Variants in WDR17 observed in about 807,000 individuals in gnomAD.
WDR17 encodes WD repeat domain 17.
In WDR17, 143 loss-of-function variants were observed where a neutral mutation model predicts 161.7. That is an observed-to-expected ratio of 0.88 (90% CI 0.77 to 1.02). The LOEUF is 1.02. Among genes scored for constraint, WDR17 ranks in the 50% least tolerant of loss-of-function variants. The probability of loss-of-function intolerance (pLI) is 0.00; values close to 1 mark genes in which losing one functional copy is unlikely to be tolerated. For missense variants in WDR17, 1,469 were observed against 1,520.9 expected (o/e 0.97, Z 0.57); for synonymous variants, 517 against 515.6 (o/e 1.00, Z -0.04).
At chr4:176,141,832 T>G in intron 10 of WDR17, 151 bp from the exon 11 acceptor site, 1 of 581,666 alleles carries the variant, frequency 1.7e-6, no homozygotes, top group Non-Finnish European at 3.0e-6. Flanking sequence ...TTGGTAACAT[T>G]TATACAGTAC....
chr4:176,172,477 C>T lies in WDR17; in HGVS notation c.3205C>T (p.Pro1069Ser), dbSNP rs1750872371. Residue 1069 changes from proline (P) to serine (S), a missense_variant, in exon 24 of 29, where the codon CCT becomes TCT. Pro to Ser is a moderately conservative substitution (Grantham distance 74). Coordinates refer to ENST00000508596, the MANE Select transcript of WDR17 (RefSeq NM_181265.4). ...AAAATATTACTTGTTAAGTCAAGAA[C>T]CTGAAAAAGCCCTTCCTATTGGTAT... ...TVKYYLLSQEPEKALPIGISF... is the reference protein window; with the variant it reads ...TVKYYLLSQESEKALPIGISF... The T allele has an allele frequency of 3.7e-6, 6 of 1,606,622 alleles. No homozygotes were observed. In the Middle Eastern group the frequency reaches 8.3e-4, roughly 222 times the overall value.
chr4:176,109,982 T>C (rs918963603), intron 1 of WDR17, among the ~76,000 whole-genome samples: 4 of 152,194 alleles, frequency 2.6e-5, no homozygotes, highest in African/African-American at 9.7e-5. Context: ...CAAGCTAAAA[T>C]ATTTAAGATT....
At chr4:176,141,466 A>G (rs1745244567) in intron 10 of WDR17, among the ~76,000 whole-genome samples, 1 of 152,166 alleles carries the variant, frequency 6.6e-6, no homozygotes, top group Admixed American at 6.5e-5. Flanking sequence ...TTGTTTTTCC[A>G]TCGCTCAGGC....
intron 4 of WDR17, among the ~76,000 whole-genome samples, chr4:176,123,028 G>A (rs1199594322): frequency 6.6e-6 from 1 of 152,020 alleles, no homozygotes; most frequent in African/African-American, 2.4e-5. Flanking sequence ...GAAGATTCCA[G>A]GGCAAAAAAA....
At chr4:176,097,900 C>T (rs1266176467) in intron 1 of WDR17, among the ~76,000 whole-genome samples, 1 of 151,950 alleles carries the variant, frequency 6.6e-6, no homozygotes, top group African/African-American at 2.4e-5. Flanking sequence ...AATTCAAAAT[C>T]TTCCTCTTCT....
intron 24 of WDR17, among the ~76,000 whole-genome samples, chr4:176,173,040 C>T (rs1750965803): frequency 6.6e-6 from 1 of 152,106 alleles, no homozygotes; most frequent in African/African-American, 2.4e-5. Flanking sequence ...AAGAACTAGT[C>T]ATCCTAAATT....
intron 1 of WDR17, among the ~76,000 whole-genome samples, chr4:176,083,815 T>TA (rs1489665772): frequency 1.3e-5 from 2 of 152,138 alleles, no homozygotes; most frequent in African/African-American, 4.8e-5. Flanking sequence ...GAGTTTCAGT[T>TA]ACTCTGCACT....
Position 176,137,594 on chromosome 4 carries a change from A to G in WDR17, c.1342A>G (p.Ile448Val), listed in dbSNP as rs1196362510. 4.4e-6 allele frequency: 7 copies of G among 1,594,152 alleles called. No homozygotes were observed. The highest frequency in any genetic ancestry group is 4.3e-6 in the Non-Finnish European group (5 of 1,167,580). ...FIWNVQKGKI[I>V]QRFNEHGTNG... ...TTGGAATGTTCAAAAGGGCAAAATT[A>G]TACAACGATTTAATGAGGTAAGATT... The change falls in exon 9 of 29, where the codon ATA (isoleucine) becomes GTA (valine). Residue 448 changes from isoleucine (I) to valine (V), a missense_variant. Ile to Val is a conservative substitution (Grantham distance 29). Transcript: ENST00000508596.
intron 2 of WDR17, among the ~76,000 whole-genome samples, chr4:176,114,667 T>C (rs1019606410): frequency 2.0e-5 from 3 of 151,562 alleles, no homozygotes; most frequent in African/African-American, 4.8e-5. Flanking sequence ...AGTAAACAAA[T>C]AGGTAAAATT....
chr4:176,085,221 A>T (rs1735276786), intron 1 of WDR17, among the ~76,000 whole-genome samples: 1 of 152,114 alleles, frequency 6.6e-6, no homozygotes, highest in South Asian at 2.1e-4. Flanking sequence ...ATTTAATCTA[A>T]TTCATTAACT....
At chr4:176,144,313 A>C (rs549227617) in intron 11 of WDR17, among the ~76,000 whole-genome samples, 6 of 152,232 alleles carry the variant, frequency 3.9e-5, no homozygotes, top group Non-Finnish European at 5.9e-5. Flanking sequence ...GGCTGGTTGC[A>C]TATTGGCTGT....
rs765690042 is a variant in WDR17 at position 176,162,135 on chromosome 4, A to G, written c.2811A>G (p.Val937=). 10 of 1,613,314 alleles carry G rather than the reference A, an allele frequency of 6.2e-6. No individual in the cohort carries two copies. The highest frequency in any genetic ancestry group is 1.1e-5 in the South Asian group (1 of 91,008). ...GGTATTTTCAAGATGGTCGAGCAGTACTAGCCGCATGTTGCCATCTTGCCA... is the reference window on the plus strand; with the variant it reads ...GGTATTTTCAAGATGGTCGAGCAGTGCTAGCCGCATGTTGCCATCTTGCCA... The part of the protein sequence containing the change: ...AEWYFQDGRA[V]LAACCHLAID... Residue 937 remains valine (V), a synonymous_variant, in exon 21 of 29, where the codon GTA becomes GTG. Transcript: ENST00000508596.
intron 18 of WDR17, among the ~76,000 whole-genome samples, chr4:176,156,363 G>A (rs1748123954): frequency 6.6e-6 from 1 of 152,094 alleles, no homozygotes; most frequent in Admixed American, 6.5e-5. Flanking sequence ...GATAGCAGAA[G>A]GCAAATTTCC....
At chr4:176,172,246 T>A (rs1750837771) in intron 23 of WDR17, 129 bp from the exon 24 acceptor site, 5 of 773,994 alleles carry the variant, frequency 6.5e-6, no homozygotes, top group Non-Finnish European at 1.0e-5. Context: ...AATAATTTCA[T>A]TTACATCTAT....
At chr4:176,144,117 C>G (rs370057354) in intron 11 of WDR17, among the ~76,000 whole-genome samples, 2 of 151,274 alleles carry the variant, frequency 1.3e-5, no homozygotes, top group East Asian at 3.9e-4. Context: ...GCCCCCTTAC[C>G]TAGGATTCTG....
chr4:176,132,651 A>G (rs1481332425), intron 7 of WDR17, among the ~76,000 whole-genome samples: 1 of 151,978 alleles, frequency 6.6e-6, no homozygotes, highest in Non-Finnish European at 1.5e-5. Flanking sequence ...AATAATCTGT[A>G]GCTTAATTAT....
chr4:176,151,646 G>C (rs527561910), intron 16 of WDR17, among the ~76,000 whole-genome samples, 166 bp from the exon 17 acceptor site: 3 of 152,238 alleles, frequency 2.0e-5, no homozygotes, highest in African/African-American at 7.2e-5. Flanking sequence ...GATGAAATCA[G>C]GGTAATTGGG....
intron 1 of WDR17, among the ~76,000 whole-genome samples, chr4:176,081,966 G>T (rs975179252): frequency 6.6e-6 from 1 of 152,110 alleles, no homozygotes. Context: ...CAGGGAAGGA[G>T]ACAAGTGAGA....
chr4:176,161,072 C>G (rs1320618503), intron 20 of WDR17, 70 bp downstream of exon 20: 16 of 1,303,796 alleles, frequency 1.2e-5, no homozygotes, highest in Admixed American at 4.3e-5. Context: ...TTTGAAGTCT[C>G]TATAATTCAT....
Sources: gnomAD v4.1 joint callset for allele counts (sites outside exome capture counted in the v4.1 genomes callset) on GRCh38, gnomAD v4.1.1 for gene constraint, MANE v1.5 for transcripts, NCBI Gene and HGNC (gene_info 2026-07-23, HGNC 2026-07-21) for gene names.